ARAP2: variants seen among roughly 807,000 people sequenced by gnomAD.
ARAP2 encodes arf-GAP with Rho-GAP domain, ANK repeat and PH domain-containing protein 2.
ARAP2 carries 148 observed loss-of-function variants against 194.5 expected under a neutral mutation model. The ratio of observed to expected loss-of-function variants is 0.76; its 90% confidence interval spans 0.67 to 0.87. The LOEUF (loss-of-function observed/expected upper bound fraction) is 0.87. Ranked by LOEUF, ARAP2 falls within the 40% of genes least tolerant of loss-of-function variation. The pLI is 0.00. For missense variants in ARAP2, 2,128 were observed against 1,989.7 expected, an observed-to-expected ratio of 1.07 and a Z score of -1.32; for synonymous variants, 695 against 683.5, an observed-to-expected ratio of 1.02 and a Z score of -0.26.
intron 5 of ARAP2, among the ~76,000 whole-genome samples, chr4:36,043,570 T>C (rs1406097163): frequency 6.6e-6 from 1 of 151,848 alleles, no homozygotes; most frequent in Non-Finnish European, 1.5e-5. Flanking sequence ...AGGCATACAG[T>C]TTGAAGATGA....
At chr4:36,115,517 T>C (rs1426907115) in intron 25 of ARAP2, among the ~76,000 whole-genome samples, 1 of 152,000 alleles carries the variant, frequency 6.6e-6, no homozygotes, top group Admixed American at 6.6e-5. Context: ...CAGAACTCTA[T>C]TCCTTGCATC....
intron 1 of ARAP2, among the ~76,000 whole-genome samples, chr4:36,240,603 G>T (rs1285079202): frequency 6.6e-6 from 1 of 152,172 alleles, no homozygotes; most frequent in African/African-American, 2.4e-5. Context: ...ACCTCACGGG[G>T]ATATTTTGAG....
chr4:36,032,588 C>T (rs967171234), intron 5 of ARAP2, among the ~76,000 whole-genome samples: 1 of 152,164 alleles, frequency 6.6e-6, no homozygotes, highest in African/African-American at 2.4e-5. Flanking sequence ...TTATTATTAA[C>T]TGTTCAATTT....
chr4:36,218,739 C>G (rs1450116949), intron 2 of ARAP2, among the ~76,000 whole-genome samples: 1 of 152,084 alleles, frequency 6.6e-6, no homozygotes, highest in Non-Finnish European at 1.5e-5. Flanking sequence ...AGATGAAGAA[C>G]TCTTATTCAT....
intron 22 of ARAP2, among the ~76,000 whole-genome samples, chr4:36,121,765 C>T (rs955893548): frequency 2.6e-5 from 4 of 151,636 alleles, no homozygotes; most frequent in African/African-American, 9.7e-5. Flanking sequence ...GTTCCAAATT[C>T]CAGGTGCCAA....
At chr4:36,076,867 T>C (rs1352067623) in intron 31 of ARAP2, among the ~76,000 whole-genome samples, 2 of 152,098 alleles carry the variant, frequency 1.3e-5, no homozygotes, top group South Asian at 2.1e-4. Flanking sequence ...TCCTTCTACA[T>C]CTCTGATGAT....
intron 7 of ARAP2, among the ~76,000 whole-genome samples, chr4:36,189,969 A>G (rs1333749422): frequency 6.6e-6 from 1 of 152,182 alleles, no homozygotes; most frequent in Non-Finnish European, 1.5e-5. Flanking sequence ...CTTTGCACCC[A>G]CATAGCTTGC....
chr4:36,226,236 T>A (rs891771633), intron 2 of ARAP2, among the ~76,000 whole-genome samples: 1 of 152,022 alleles, frequency 6.6e-6, no homozygotes, highest in Admixed American at 6.6e-5. Flanking sequence ...AAAGACTCAG[T>A]CACAAATTGA....
intron 3 of ARAP2, among the ~76,000 whole-genome samples, chr4:36,047,880 GA>G (rs1722080220): frequency 6.6e-6 from 1 of 152,172 alleles, no homozygotes; most frequent in Non-Finnish European, 1.5e-5. Context: ...GAAAGATACA[GA>G]AACAAAAAGT....
chr4:36,052,095 T>C (rs1410743292), intron 2 of ARAP2: 3 of 152,202 alleles, frequency 2.0e-5, no homozygotes, highest in Admixed American at 2.0e-4. Context: ...TATGAAAATT[T>C]TCTGAAAGTT....
At chr4:36,105,293 T>C (rs997380972) in intron 27 of ARAP2, among the ~76,000 whole-genome samples, 2 of 151,986 alleles carry the variant, frequency 1.3e-5, no homozygotes, top group Non-Finnish European at 2.9e-5. Flanking sequence ...GGTGGCACTC[T>C]AGCCTAGGTG....
downstream of ARAP2, among the ~76,000 whole-genome samples, chr4:36,061,779 A>C (rs1311198232): frequency 6.6e-6 from 1 of 152,080 alleles, no homozygotes; most frequent in Non-Finnish European, 1.5e-5. Flanking sequence ...CCCACCAAGA[A>C]GTTTCCCTTT....
chr4:36,171,371 G>A (rs992967222), intron 9 of ARAP2, among the ~76,000 whole-genome samples: 27 of 152,232 alleles, frequency 1.8e-4, no homozygotes, highest in African/African-American at 6.5e-4. Flanking sequence ...TCCTTTGTAC[G>A]GACATGGATG....
intron 2 of ARAP2, among the ~76,000 whole-genome samples, chr4:36,053,951 A>T (rs971781458): frequency 6.6e-6 from 1 of 152,250 alleles, no homozygotes; most frequent in Non-Finnish European, 1.5e-5. Context: ...TAAATGGAAT[A>T]AAAGAGTGAA....
chr4:36,101,103 T>C (rs1265075503), intron 27 of ARAP2, among the ~76,000 whole-genome samples: 1 of 152,040 alleles, frequency 6.6e-6, no homozygotes, highest in South Asian at 2.1e-4. Flanking sequence ...AAACAGATGA[T>C]TGAAAGTATG....
intron 24 of ARAP2, among the ~76,000 whole-genome samples, chr4:36,119,410 A>G (rs911431962): frequency 6.6e-6 from 1 of 151,482 alleles, no homozygotes; most frequent in Non-Finnish European, 1.5e-5. Context: ...AGTTGATTTT[A>G]TAAAGAAAAC....
At chr4:36,136,816 T>TGTGTGTGTGC (rs796925392) in intron 19 of ARAP2, among the ~76,000 whole-genome samples, 1,909 of 145,138 alleles carry the variant, frequency 0.013, 48 homozygotes, top group African/African-American at 0.043. Flanking sequence ...TGTGTGTGTG[T>TGTGTGTGTGC]GTGCGTGTCT....
intron 5 of ARAP2, among the ~76,000 whole-genome samples, chr4:36,028,811 T>C (rs1416097637): frequency 2.0e-5 from 3 of 152,020 alleles, no homozygotes; most frequent in African/African-American, 7.2e-5. Flanking sequence ...TTGGAAATTT[T>C]ACTATTTTTA....
At chr4:36,071,533 A>T (rs1726890170) in intron 32 of ARAP2, among the ~76,000 whole-genome samples, 2 of 152,286 alleles carry the variant, frequency 1.3e-5, no homozygotes, top group South Asian at 2.1e-4. Flanking sequence ...AGGTATTCTC[A>T]TATGACTTTC....
Sources: allele counts gnomAD v4.1 joint callset (sites outside exome capture counted in the v4.1 genomes callset), GRCh38; gene constraint gnomAD v4.1.1; transcripts MANE v1.5; gene names NCBI Gene and HGNC (gene_info 2026-07-23, HGNC 2026-07-21).